Variants in NBEA observed in about 807,000 individuals in gnomAD.
NBEA encodes the protein neurobeachin.
Under a neutral mutation model 343.4 loss-of-function variants are expected in NBEA, and 44 were observed. The ratio of observed to expected loss-of-function variants is 0.13; its 90% CI spans 0.10 to 0.16. The LOEUF is 0.16. Ranked by LOEUF, NBEA falls within the 10% of genes least tolerant of loss-of-function variation. The probability of loss-of-function intolerance (pLI) is 1.00; values close to 1 mark genes in which losing one functional copy is unlikely to be tolerated. For synonymous variants in NBEA, 1,175 were observed against 1,238.7 expected, an observed-to-expected ratio of 0.95 and a Z score of 1.08; for missense variants, 2,555 against 3,631.3, an observed-to-expected ratio of 0.70 and a Z score of 7.62.
chr13:35,156,674 T>C (rs761615819), intron 20 of NBEA, among the ~76,000 whole-genome samples: 1 of 152,170 alleles, frequency 6.6e-6, no homozygotes, highest in African/African-American at 2.4e-5. Context: ...TTAACAAATA[T>C]TGATTGAGTG....
intron 36 of NBEA, among the ~76,000 whole-genome samples, chr13:35,321,384 C>G (rs896726737): frequency 6.6e-6 from 1 of 152,152 alleles, no homozygotes; most frequent in African/African-American, 2.4e-5. Context: ...TGCTGGAGGT[C>G]CACTCCAGTC....
At chr13:35,410,004 G>C (rs2043491974) in intron 38 of NBEA, among the ~76,000 whole-genome samples, 1 of 151,796 alleles carries the variant, frequency 6.6e-6, no homozygotes, top group Non-Finnish European at 1.5e-5. Context: ...TTATTAGTGG[G>C]GGATCTTTTT....
chr13:34,969,031 G>A (rs2059915893), intron 1 of NBEA, among the ~76,000 whole-genome samples: 1 of 151,308 alleles, frequency 6.6e-6, no homozygotes, highest in Non-Finnish European at 1.5e-5. Flanking sequence ...TTATTCTCCT[G>A]AGTGATCATG....
chr13:35,155,705 G>A, intron 18 of NBEA, 69 bp from the exon 19 acceptor site: 5 of 1,190,124 alleles, frequency 4.2e-6, no homozygotes, highest in Non-Finnish European at 6.2e-6. Flanking sequence ...CAGGTTCATT[G>A]TATATCTATA....
rs190388549 is a variant in NBEA at position 35,641,035 on chromosome 13, A to T, written c.7618-4834A>T. On this transcript the variant is annotated intron_variant, in intron 49 of 58. Transcript: ENST00000379939. ...ATCCATATAACAATTAAAATTTAAC[A>T]CTCTTTAACTTAATTTTCATTTCTA... Among the ~76,000 whole-genome samples, 227 of 151,034 alleles carry T rather than the reference A, an allele frequency of 1.5e-3. 3 individuals are homozygous for T. Among genetic ancestry groups the T allele is most frequent in the African/African-American group, 4.0e-3 (165 of 41,196 alleles).
intron 33 of NBEA, among the ~76,000 whole-genome samples, chr13:35,227,789 A>C (rs916384955): frequency 1.3e-5 from 2 of 152,058 alleles, no homozygotes; most frequent in African/African-American, 4.8e-5. Context: ...GAAGTAGCAC[A>C]AACATAAGGG....
intron 36 of NBEA, among the ~76,000 whole-genome samples, chr13:35,344,471 G>A (rs1179453880): frequency 1.3e-5 from 2 of 151,792 alleles, no homozygotes; most frequent in African/African-American, 2.4e-5. Context: ...GATTAACAAA[G>A]ATAAATGTTT....
rs185064121 is a variant in NBEA at position 35,315,737 on chromosome 13, C to T, written c.5903+6145C>T. Reference sequence around the variant, plus strand: ...AGAATAGGGGAAAATATACACCATGCATTTCTTAGGTTTTTAAGAGGAGAA... The same window carrying T: ...AGAATAGGGGAAAATATACACCATGTATTTCTTAGGTTTTTAAGAGGAGAA... On this transcript the variant is annotated intron_variant, in intron 36 of 58. Coordinates refer to ENST00000379939, the MANE Select transcript of NBEA (RefSeq NM_001385012.1). Among the ~76,000 whole-genome samples the T allele has an allele frequency of 2.4e-3, 363 of 152,120 alleles. 4 individuals are homozygous for T. The highest frequency in any genetic ancestry group is 8.1e-3 in the African/African-American group (338 of 41,518).
chr13:35,106,408 C>A (rs978491991), intron 11 of NBEA, among the ~76,000 whole-genome samples: 36 of 151,890 alleles, frequency 2.4e-4, no homozygotes, highest in Non-Finnish European at 4.4e-4. Context: ...TCTATTCTTA[C>A]TGTTTTTGAA....
intron 31 of NBEA, among the ~76,000 whole-genome samples, chr13:35,203,350 C>T (rs2073148868): frequency 6.6e-6 from 1 of 152,152 alleles, no homozygotes. Flanking sequence ...TAGATAGCCT[C>T]CTGGCTTATT....
At chr13:35,451,282 C>A (rs748837622) in intron 39 of NBEA, among the ~76,000 whole-genome samples, 1 of 152,104 alleles carries the variant, frequency 6.6e-6, no homozygotes, top group Non-Finnish European at 1.5e-5. Context: ...TGGCTCCACG[C>A]CCGTCTAATT....
intron 10 of NBEA, among the ~76,000 whole-genome samples, chr13:35,075,283 G>A (rs1471505003): frequency 6.6e-6 from 1 of 152,066 alleles, no homozygotes; most frequent in Non-Finnish European, 1.5e-5. Flanking sequence ...ATCTGTCATA[G>A]CGTCTGTACA....
At chr13:35,587,750 TTTC>T (rs1368607112) in intron 46 of NBEA, among the ~76,000 whole-genome samples, 1 of 152,146 alleles carries the variant, frequency 6.6e-6, no homozygotes, top group African/African-American at 2.4e-5. Flanking sequence ...AGCTAAACAC[TTTC>T]TCAAATCATA....
At chr13:35,199,599 C>T (rs1332160284) in intron 31 of NBEA, among the ~76,000 whole-genome samples, 3 of 151,986 alleles carry the variant, frequency 2.0e-5, no homozygotes, top group Admixed American at 2.0e-4. Context: ...CAATGATTTC[C>T]TTATACTTAT....
At chr13:35,626,151 C>T (rs965597276) in intron 48 of NBEA, among the ~76,000 whole-genome samples, 3 of 152,102 alleles carry the variant, frequency 2.0e-5, no homozygotes, top group Non-Finnish European at 2.9e-5. Flanking sequence ...AAGTAAGGAA[C>T]AAAATGAAAT....
rs1343232507 is a variant in NBEA at position 35,391,597 on chromosome 13, T to C, written c.6179+39274T>C. Among the ~76,000 whole-genome samples, 9 of 152,322 alleles carry C rather than the reference T, an allele frequency of 5.9e-5. No individual in the cohort carries two copies. In the Middle Eastern group the frequency reaches 0.01, roughly 174 times the overall value. On this transcript the variant is annotated intron_variant, in intron 38 of 58. Coordinates refer to ENST00000379939, the MANE Select transcript of NBEA (RefSeq NM_001385012.1). ...TTTGCTTAAAAGAATGTTATACATG[T>C]GTGTTAATATTTACATGGATGTTTT...
At chr13:35,435,201 C>A (rs886808918) in intron 39 of NBEA, among the ~76,000 whole-genome samples, 1 of 151,994 alleles carries the variant, frequency 6.6e-6, no homozygotes, top group Non-Finnish European at 1.5e-5. Context: ...TTAGTAGAGA[C>A]AGGGTTTCAC....
intron 36 of NBEA, among the ~76,000 whole-genome samples, chr13:35,332,308 G>A (rs906375297): frequency 3.3e-5 from 5 of 152,002 alleles, no homozygotes; most frequent in African/African-American, 9.7e-5. Flanking sequence ...GGATGAGGGC[G>A]TGGCAGGGGT....
chr13:35,552,592 AATC>A (rs1350123434), intron 43 of NBEA, among the ~76,000 whole-genome samples: 1 of 152,222 alleles, frequency 6.6e-6, no homozygotes, highest in Admixed American at 6.5e-5. Context: ...CTATTTGTTT[AATC>A]ATCAATTCAA....
Sources: gnomAD v4.1 joint callset for allele counts (sites outside exome capture counted in the v4.1 genomes callset) on GRCh38, gnomAD v4.1.1 for gene constraint, MANE v1.5 for transcripts, NCBI Gene and HGNC (gene_info 2026-07-23, HGNC 2026-07-21) for gene names.